The following CLNK variants were observed in gnomAD, a reference collection of about 807,000 sequenced individuals.
CLNK encodes cytokine-dependent hematopoietic cell linker.
Under a neutral mutation model 68.6 loss-of-function variants are expected in CLNK, and 74 were observed. The observed-to-expected ratio is 1.08, with a 90% CI of 0.89 to 1.31. The LOEUF (loss-of-function observed/expected upper bound fraction) is 1.31. Among genes scored for constraint, CLNK ranks in the 50% most tolerant of loss-of-function variants. CLNK has a pLI of 0.00. For synonymous variants in CLNK, 198 were observed against 172.2 expected (o/e 1.15, Z -1.17); for missense variants, 553 against 515.3 (o/e 1.07, Z -0.71).
intron 3 of CLNK, among the ~76,000 whole-genome samples, chr4:10,597,364 G>T (rs1198275104): frequency 6.6e-6 from 1 of 152,136 alleles, no homozygotes; most frequent in Non-Finnish European, 1.5e-5. Flanking sequence ...TGTAGAGCTG[G>T]ATTTGACTTT....
At chr4:10,710,515 G>T in the CLNK span, among the ~76,000 whole-genome samples, 2 of 152,172 alleles carry the variant, frequency 1.3e-5, no homozygotes, top group East Asian at 1.9e-4. Context: ...GTGATTATGT[G>T]CCAGACACTG....
chr4:10,551,511 C>T (rs552974464), intron 8 of CLNK, among the ~76,000 whole-genome samples: 1 of 152,190 alleles, frequency 6.6e-6, no homozygotes, highest in South Asian at 2.1e-4. Context: ...TCAAGTGATC[C>T]ACTGGCCTCA....
intron 2 of CLNK, among the ~76,000 whole-genome samples, chr4:10,626,207 C>T (rs1375140658): frequency 2.0e-5 from 3 of 152,182 alleles, no homozygotes; most frequent in Non-Finnish European, 2.9e-5. Flanking sequence ...GAACCCTGCA[C>T]CCCATTGCTG....
rs77595802 is a variant in CLNK, at chr4:10,505,937, G to A, written c.984+2022C>T. On this transcript the variant is annotated intron_variant, in intron 17 of 18. Transcript: ENST00000226951. ...TTTAATTTTACAACATCAATTCTGAGAGCTAAGTTTTATTAAAATTTATTG... is the reference window on the plus strand; with the variant it reads ...TTTAATTTTACAACATCAATTCTGAAAGCTAAGTTTTATTAAAATTTATTG... Among the ~76,000 whole-genome samples the A allele has an allele frequency of 7.4e-3, 1,130 of 152,252 alleles. 12 individuals carry two copies. The highest frequency in any genetic ancestry group is 0.026 in the African/African-American group (1,071 of 41,520).
chr4:10,621,059 G>A (rs534216813), intron 2 of CLNK, among the ~76,000 whole-genome samples: 154 of 152,220 alleles, frequency 1.0e-3, no homozygotes, highest in Admixed American at 2.8e-3. Context: ...GCAGTGAGCC[G>A]AGATCATGCC....
chr4:10,587,809 G>C (rs117612038), intron 3 of CLNK, among the ~76,000 whole-genome samples: 2 of 152,066 alleles, frequency 1.3e-5, no homozygotes, highest in African/African-American at 2.4e-5. Flanking sequence ...CTGCCTCCCC[G>C]GTCCCTACTG....
At chr4:10,575,887 G>A (rs7680278) in intron 4 of CLNK, among the ~76,000 whole-genome samples, 147,342 of 152,338 alleles carry the variant, frequency 0.97, 71,444 homozygotes, top group East Asian at 1. Flanking sequence ...TTCATTATAG[G>A]TGGTAGTCCT....
chr4:10,582,426 T>C (rs916652296), intron 4 of CLNK, among the ~76,000 whole-genome samples: 3 of 152,242 alleles, frequency 2.0e-5, no homozygotes, highest in Non-Finnish European at 4.4e-5. Context: ...ATTTCTTGTC[T>C]TTTAAATCAA....
intron 1 of CLNK, among the ~76,000 whole-genome samples, chr4:10,679,311 A>T (rs1008571958): frequency 1.3e-5 from 2 of 152,246 alleles, no homozygotes; most frequent in Admixed American, 1.3e-4. Flanking sequence ...CTGGCTAGCC[A>T]TATGTAGAAA....
At chr4:10,687,143 G>T (rs917185314), upstream of CLNK, among the ~76,000 whole-genome samples, 2 of 151,028 alleles carry the variant, frequency 1.3e-5, no homozygotes, top group Non-Finnish European at 2.9e-5. Context: ...TTAACAAATA[G>T]ATATTTACAT....
intron 2 of CLNK, among the ~76,000 whole-genome samples, chr4:10,630,900 T>TA (rs1159490830): frequency 6.6e-6 from 1 of 152,092 alleles, no homozygotes; most frequent in Non-Finnish European, 1.5e-5. Flanking sequence ...AAGCCATTTA[T>TA]CTCCAGGCGT....
At chr4:10,662,243 A>C (rs931219227) in intron 2 of CLNK, among the ~76,000 whole-genome samples, 1 of 152,224 alleles carries the variant, frequency 6.6e-6, no homozygotes, top group African/African-American at 2.4e-5. Flanking sequence ...ATAAAACTCT[A>C]TAGGTAGCAA....
intron 2 of CLNK, among the ~76,000 whole-genome samples, chr4:10,641,231 C>T (rs1723296848): frequency 6.6e-6 from 1 of 151,996 alleles, no homozygotes; most frequent in South Asian, 2.1e-4. Flanking sequence ...GTTTCACAGG[C>T]CTCCTGGGGC....
At chr4:10,710,106 G>C in the CLNK span, among the ~76,000 whole-genome samples, 1 of 152,300 alleles carries the variant, frequency 6.6e-6, no homozygotes, top group East Asian at 1.9e-4. Flanking sequence ...ATTTCTGTAA[G>C]GGAAAGGGGG....
chr4:10,571,616 G>A (rs1720356513), intron 5 of CLNK, 125 bp downstream of exon 5: 2 of 751,840 alleles, frequency 2.7e-6, no homozygotes, highest in Non-Finnish European at 4.5e-6. Context: ...GATTACAGGT[G>A]TGAACCACTG....
At chr4:10,498,597 G>T (rs1716909238) in intron 18 of CLNK, among the ~76,000 whole-genome samples, 1 of 152,146 alleles carries the variant, frequency 6.6e-6, no homozygotes, top group Non-Finnish European at 1.5e-5. Flanking sequence ...CACTGAACTG[G>T]AAAGTCCATT....
chr4:10,539,298 A>G (rs529972101), intron 11 of CLNK, among the ~76,000 whole-genome samples: 4 of 152,322 alleles, frequency 2.6e-5, no homozygotes, highest in African/African-American at 9.6e-5. Flanking sequence ...TAATGGAGGA[A>G]ATGGTGAAGA....
At chr4:10,663,366 G>A (rs1056545558) in intron 2 of CLNK, among the ~76,000 whole-genome samples, 1 of 152,158 alleles carries the variant, frequency 6.6e-6, no homozygotes, top group South Asian at 2.1e-4. Context: ...TAGTACTTGT[G>A]GAGTTTTCTC....
the CLNK span, among the ~76,000 whole-genome samples, chr4:10,701,051 C>CA: frequency 0.34 from 51,766 of 151,714 alleles, 9,160 homozygotes; most frequent in African/African-American, 0.42. Context: ...TTTGCTTAGT[C>CA]AAATATCTCT....
Sources: gnomAD v4.1 joint callset for allele counts (sites outside exome capture counted in the v4.1 genomes callset) on GRCh38, gnomAD v4.1.1 for gene constraint, MANE v1.5 for transcripts, NCBI Gene and HGNC (gene_info 2026-07-23, HGNC 2026-07-21) for gene names.